Variants in RAP2A observed in about 807,000 individuals in gnomAD.
The protein encoded by RAP2A is ras-related protein Rap-2a.
Under a neutral mutation model 15.1 loss-of-function variants are expected in RAP2A, and 5 were observed. The observed-to-expected ratio is 0.33, with a 90% CI of 0.17 to 0.70. The LOEUF is 0.70. Among genes scored for constraint, RAP2A ranks in the 30% least tolerant of loss-of-function variants. The pLI is 0.68. For synonymous variants in RAP2A, 110 were observed against 99.7 expected, an observed-to-expected ratio of 1.10 and a Z score of -0.62; for missense variants, 111 against 240.3, an observed-to-expected ratio of 0.46 and a Z score of 3.56.
At chr13:97,461,880 G>GTGA (rs1180253607) in intron 1 of RAP2A, among the ~76,000 whole-genome samples, 2 of 150,788 alleles carry the variant, frequency 1.3e-5, no homozygotes, top group African/African-American at 2.4e-5. Flanking sequence ...AGAGAATGGC[G>GTGA]TGAACCCGGG....
chr13:97,438,946 C>T (rs2066645544), intron 1 of RAP2A, among the ~76,000 whole-genome samples: 1 of 152,186 alleles, frequency 6.6e-6, no homozygotes, highest in Non-Finnish European at 1.5e-5. Context: ...AGGAGATGAT[C>T]TTTTAAAGTT....
rs138920426 is a variant in RAP2A, at chr13:97,440,408, C to G, written c.314+5624C>G. 6.7e-4 allele frequency among the ~76,000 whole-genome samples: 102 copies of G among 152,030 alleles called. 1 individual carries two copies. Among genetic ancestry groups the G allele is most frequent in the Middle Eastern group, 6.8e-3 (2 of 294 alleles). On this transcript the variant is annotated intron_variant, in intron 1 of 1. Transcript: ENST00000245304. Reference sequence around the variant, plus strand: ...GGTGAAACCTCTATCCACTTAAATACAAAACTAAGATAAAAGAATTGTGAG... The same window carrying G: ...GGTGAAACCTCTATCCACTTAAATAGAAAACTAAGATAAAAGAATTGTGAG...
At chr13:97,456,500 TA>T (rs1443067626) in intron 1 of RAP2A, among the ~76,000 whole-genome samples, 1 of 152,190 alleles carries the variant, frequency 6.6e-6, no homozygotes, top group African/African-American at 2.4e-5. Context: ...GGTTTTTAAA[TA>T]AAACATTTAA....
chr13:97,448,461 G>A (rs1199910154), intron 1 of RAP2A, among the ~76,000 whole-genome samples: 2 of 151,962 alleles, frequency 1.3e-5, no homozygotes, highest in African/African-American at 4.8e-5. Context: ...AGTGTGGTGT[G>A]TAACACCACA....
chr13:97,447,506 A>G (rs1308019585), intron 1 of RAP2A, among the ~76,000 whole-genome samples: 1 of 152,220 alleles, frequency 6.6e-6, no homozygotes, highest in Non-Finnish European at 1.5e-5. Flanking sequence ...TTGAATTTAT[A>G]AGTAAAGATC....
chr13:97,441,665 C>G, intron 1 of RAP2A: 1 of 383,440 alleles, frequency 2.6e-6, no homozygotes, highest in Non-Finnish European at 5.1e-6. Flanking sequence ...GCATGTATGC[C>G]TTACTCTGGG....
chr13:97,441,873 A>G (rs549906591), intron 1 of RAP2A: 35 of 379,920 alleles, frequency 9.2e-5, no homozygotes, highest in South Asian at 6.5e-4. Context: ...GTGACTGAAT[A>G]GTTACTAAAG....
intron 1 of RAP2A, among the ~76,000 whole-genome samples, chr13:97,442,797 C>A (rs1594322814): frequency 6.6e-6 from 1 of 152,128 alleles, no homozygotes; most frequent in Non-Finnish European, 1.5e-5. Flanking sequence ...TGGTTCCCAG[C>A]AATGCTGTGT....
intron 1 of RAP2A, among the ~76,000 whole-genome samples, chr13:97,442,145 C>T (rs1467577612): frequency 2.0e-5 from 3 of 151,916 alleles, no homozygotes; most frequent in Non-Finnish European, 4.4e-5. Flanking sequence ...GCATTTCAGT[C>T]AAGTATGTTA....
chr13:97,466,208 T>TG lies in RAP2A; in HGVS notation c.*1767dup, dbSNP rs1019244583. The TG allele has an allele frequency of 7.1e-5, 10 of 140,642 alleles. No individual in the cohort carries two copies. Among genetic ancestry groups the TG allele is most frequent in the African/African-American group, 1.4e-4 (5 of 36,768 alleles). The allele number at this position is 140,642 out of a possible 1,614,324, so 8.7% of individuals were successfully genotyped here. On this transcript the variant is annotated 3_prime_UTR_variant, in exon 2 of 2. Transcript: ENST00000245304. ...AATAACTGGCATTAAGCTTAGAGGG[T>TG]GAAAAAAAAAAAAAAGATTGATAGT...
chr13:97,455,495 T>A (rs988843965), intron 1 of RAP2A, among the ~76,000 whole-genome samples: 3 of 151,472 alleles, frequency 2.0e-5, no homozygotes, highest in African/African-American at 7.3e-5. Flanking sequence ...CCTGTTACAG[T>A]CCTCTGTAGA....
At chr13:97,458,108 G>A (rs2066731319) in intron 1 of RAP2A, among the ~76,000 whole-genome samples, 1 of 152,118 alleles carries the variant, frequency 6.6e-6, no homozygotes, top group South Asian at 2.1e-4. Context: ...AAGCTCCAAA[G>A]CCATTTGGTA....
chr13:97,445,106 CT>C (rs2066674280), intron 1 of RAP2A, among the ~76,000 whole-genome samples: 1 of 152,168 alleles, frequency 6.6e-6, no homozygotes, highest in African/African-American at 2.4e-5. Flanking sequence ...GACCGAATCA[CT>C]TCCTAAAGTC....
intron 1 of RAP2A, among the ~76,000 whole-genome samples, chr13:97,459,975 C>A (rs552645745): frequency 2.0e-5 from 3 of 152,208 alleles, no homozygotes; most frequent in Non-Finnish European, 4.4e-5. Flanking sequence ...TTGTTCATTA[C>A]TAGCTATTTA....
At chr13:97,464,054 C>G (rs1402305680) in intron 1 of RAP2A, 151 bp from the exon 2 acceptor site, 3 of 673,290 alleles carry the variant, frequency 4.5e-6, no homozygotes, top group Non-Finnish European at 5.1e-6. Flanking sequence ...GCCCTCAGAT[C>G]TAAGTATCAA....
rs1456943337 is a variant in RAP2A at position 97,467,552 on chromosome 13, G to T, written c.*3110G>T. Reference sequence around the variant, plus strand: ...TATGAATATGAAAGTGCTTTGTTTTGTTTGTTGCTGTTTTTTGTTTATGTG... The same window carrying T: ...TATGAATATGAAAGTGCTTTGTTTTTTTTGTTGCTGTTTTTTGTTTATGTG... On this transcript the variant is annotated 3_prime_UTR_variant, in exon 2 of 2. Transcript: ENST00000245304. 2 of 152,396 alleles carry T rather than the reference G, an allele frequency of 1.3e-5. No homozygotes were observed. Among genetic ancestry groups the T allele is most frequent in the Non-Finnish European group, 2.9e-5 (2 of 67,962 alleles). The allele number at this position is 152,396 out of a possible 1,614,324, so 9.4% of individuals were successfully genotyped here.
rs540523954 is a variant in RAP2A, at chr13:97,452,034, T to C, written c.315-12171T>C. 9.9e-5 allele frequency among the ~76,000 whole-genome samples: 15 copies of C among 151,492 alleles called. No individual in the cohort carries two copies. In the East Asian group the frequency reaches 2.9e-3, roughly 29 times the overall value. ...CTTTATACATTCTGGACACAAGTTC[T>C]TTATTAGATGTATGTATTGCACATA... On this transcript the variant is annotated intron_variant, in intron 1 of 1. Transcript: ENST00000245304.
intron 1 of RAP2A, among the ~76,000 whole-genome samples, chr13:97,442,872 G>C (rs1257262657): frequency 3.3e-5 from 5 of 152,144 alleles, no homozygotes; most frequent in Non-Finnish European, 7.4e-5. Context: ...TTCAGAGAAA[G>C]ATAGCATTTA....
rs2066626380 is a variant in RAP2A at position 97,434,916 on chromosome 13, C to T, written c.314+132C>T. 1.1e-5 allele frequency: 14 copies of T among 1,286,052 alleles called. 1 individual carries two copies. The South Asian group carries it at 1.2e-4, about 11-fold the overall frequency. The allele number at this position is 1,286,052 out of a possible 1,614,324, so 79.7% of individuals were successfully genotyped here. ...TCCAAGCTGGAGGCTTTACTATTGT[C>T]ATTCTGCTCCTCCTCCTCAATCTCA... is the stretch of plus-strand genomic sequence containing the variant. On this transcript the variant is annotated intron_variant, in intron 1 of 1. Transcript: ENST00000245304.
Sources: gnomAD v4.1 joint callset for allele counts (sites outside exome capture counted in the v4.1 genomes callset) on GRCh38, gnomAD v4.1.1 for gene constraint, MANE v1.5 for transcripts, NCBI Gene and HGNC (gene_info 2026-07-23, HGNC 2026-07-21) for gene names.